Variants in AXIN1 observed in about 807,000 individuals in gnomAD.
AXIN1 encodes axin-1.
A neutral mutation model predicts 76.4 loss-of-function variants in AXIN1; 30 were observed. The observed-to-expected ratio is 0.39, with a 90% CI of 0.29 to 0.53. The LOEUF (loss-of-function observed/expected upper bound fraction) is 0.53. Among genes scored for constraint, AXIN1 ranks in the 20% least tolerant of loss-of-function variants. The pLI is 0.66. For missense variants in AXIN1, 1,140 were observed against 1,198.8 expected (o/e 0.95, Z 0.72); for synonymous variants, 545 against 501.4 (o/e 1.09, Z -1.16).
At chr16:323,121 TGAAA>T (rs970073524) in intron 2 of AXIN1, among the ~76,000 whole-genome samples, 3 of 151,588 alleles carry the variant, frequency 2.0e-5, no homozygotes, top group African/African-American at 7.3e-5. Flanking sequence ...GACCCTGTCT[TGAAA>T]GAAAGAAAGA....
chr16:305,575 G>A (rs1433851192), intron 4 of AXIN1, among the ~76,000 whole-genome samples: 4 of 152,016 alleles, frequency 2.6e-5, no homozygotes, highest in South Asian at 4.1e-4. Flanking sequence ...ACAGGGTCTC[G>A]CTCTGTCACC....
intron 4 of AXIN1, among the ~76,000 whole-genome samples, chr16:304,972 A>G (rs1196925969): frequency 6.6e-6 from 1 of 151,986 alleles, no homozygotes. Flanking sequence ...GCTTCTTTCC[A>G]GCGTCTCCCG....
intron 7 of AXIN1, among the ~76,000 whole-genome samples, chr16:295,941 C>T (rs955076261): frequency 2.0e-5 from 3 of 151,252 alleles, no homozygotes; most frequent in East Asian, 3.9e-4. Flanking sequence ...CACTCCAGCC[C>T]GGGCGACAGA....
At chr16:320,743 A>ATATATTTTTTTT (rs397722732) in intron 2 of AXIN1, among the ~76,000 whole-genome samples, 37 of 107,614 alleles carry the variant, frequency 3.4e-4, no homozygotes, top group African/African-American at 6.4e-4. Flanking sequence ...ATATATATAT[A>ATATATTTTTTTT]TTTTTTTTTT....
chr16:293,151 C>G lies in AXIN1; in HGVS notation c.2186+337G>C, dbSNP rs3830090. 1.7e-4 allele frequency: 70 copies of G among 410,298 alleles called. No individual in the cohort carries two copies. The highest frequency in any genetic ancestry group is 2.8e-4 in the Non-Finnish European group (62 of 222,782). 25.4% of individuals were successfully genotyped at this position (410,298 alleles called of 1,614,324 possible). On this transcript the variant is annotated intron_variant, in intron 8 of 10. Transcript: ENST00000262320. The surrounding 1 kb of genome is among the most constrained non-coding windows in gnomAD (Gnocchi z 4.6). ...CCCTAAAGCCCAGGCTGCCCAGCAG[C>G]GAGCAGCCTCTGGCTGGGGACCGGC...
chr16:309,101 C>G (rs559044543), intron 4 of AXIN1, among the ~76,000 whole-genome samples: 1 of 152,156 alleles, frequency 6.6e-6, no homozygotes, highest in African/African-American at 2.4e-5. Context: ...GAGGCTGAAA[C>G]GGGCGGATCA....
intron 1 of AXIN1, among the ~76,000 whole-genome samples, chr16:351,088 C>A (rs995691898): frequency 6.7e-6 from 1 of 148,290 alleles, no homozygotes; most frequent in East Asian, 2.0e-4. Context: ...GCGGAGATCA[C>A]GCCATTGGAC....
At chr16:345,259 C>A (rs1460706453) in intron 2 of AXIN1, among the ~76,000 whole-genome samples, 1 of 152,174 alleles carries the variant, frequency 6.6e-6, no homozygotes, top group Admixed American at 6.5e-5. Flanking sequence ...GTGGACTACA[C>A]AACAGCACCA....
intron 2 of AXIN1, among the ~76,000 whole-genome samples, chr16:315,781 TCA>T: frequency 7.1e-6 from 1 of 141,226 alleles, no homozygotes; most frequent in Admixed American, 7.5e-5. Flanking sequence ...TAAGCTGAGA[TCA>T]CGCCACTGCA....
Position 297,145 on chromosome 16 carries a change from G to A in AXIN1, c.1866C>T (p.Ala622=). 6.2e-7 allele frequency: 1 copy of A among 1,612,476 alleles called. No homozygotes were observed. Among genetic ancestry groups the A allele is most frequent in the Non-Finnish European group, 8.5e-7 (1 of 1,179,952 alleles). The change falls in exon 7 of 11, where the codon GCC becomes GCT. Residue 622 remains alanine, a synonymous_variant. Transcript: ENST00000262320. Reference sequence around the variant, plus strand: ...TCTGGTTCTTCTCCGCATCCTCCGAGGCACCTGGCACCTCGGTGCTGGCGC... The same window carrying A: ...TCTGGTTCTTCTCCGCATCCTCCGAAGCACCTGGCACCTCGGTGCTGGCGC... ...GKSASTEVPG[A]SEDAEKNQKI...
At chr16:345,306 G>A (rs868495231) in intron 2 of AXIN1, among the ~76,000 whole-genome samples, 87 of 152,264 alleles carry the variant, frequency 5.7e-4, no homozygotes, top group Admixed American at 1.2e-3. Context: ...CCCAATCCTG[G>A]AATGCCCACT....
At chr16:329,719 G>A (rs2053655674) in intron 2 of AXIN1, among the ~76,000 whole-genome samples, 1 of 152,024 alleles carries the variant, frequency 6.6e-6, no homozygotes, top group East Asian at 1.9e-4. Context: ...CGCCTCCCAG[G>A]TTCACGCCAT....
At chr16:305,425 G>A (rs572509116) in intron 4 of AXIN1, among the ~76,000 whole-genome samples, 8 of 152,290 alleles carry the variant, frequency 5.3e-5, no homozygotes, top group African/African-American at 7.2e-5. Flanking sequence ...GCAGTGAGCC[G>A]AGATCATGCC....
At chr16:289,980 G>T (rs186740310) in intron 9 of AXIN1, 8 of 376,110 alleles carry the variant, frequency 2.1e-5, no homozygotes, top group Non-Finnish European at 4.1e-5. Context: ...TGAAGGGCAG[G>T]GATTGGACAA....
At chr16:308,141 C>T (rs1356270914) in intron 4 of AXIN1, among the ~76,000 whole-genome samples, 1 of 152,264 alleles carries the variant, frequency 6.6e-6, no homozygotes, top group Non-Finnish European at 1.5e-5. Flanking sequence ...AGGGCCTGCT[C>T]CTGTCTGTGC....
chr16:344,736 G>A (rs539534459), intron 2 of AXIN1, among the ~76,000 whole-genome samples: 85 of 152,242 alleles, frequency 5.6e-4, no homozygotes, highest in African/African-American at 1.7e-3. Flanking sequence ...TGATTCGCCC[G>A]CCTCGGCCTC....
intron 2 of AXIN1, among the ~76,000 whole-genome samples, chr16:327,448 T>C (rs1447378622): frequency 6.6e-6 from 1 of 152,244 alleles, no homozygotes; most frequent in African/African-American, 2.4e-5. Context: ...GAGGCCTCGC[T>C]GTGGTTCCAC....
intron 2 of AXIN1, among the ~76,000 whole-genome samples, chr16:337,651 G>A (rs534069541): frequency 6.6e-6 from 1 of 152,338 alleles, no homozygotes; most frequent in Non-Finnish European, 1.5e-5. Context: ...CGGCCACCTG[G>A]CCACCTAGCC....
At chr16:303,090 C>G (rs534431147) in intron 5 of AXIN1, among the ~76,000 whole-genome samples, 32 of 152,150 alleles carry the variant, frequency 2.1e-4, no homozygotes, top group African/African-American at 7.5e-4. Flanking sequence ...TCAAACTCCT[C>G]GGCTCAAGTG....
Sources: gnomAD v4.1 joint callset for allele counts (sites outside exome capture counted in the v4.1 genomes callset) on GRCh38, gnomAD v4.1.1 for gene constraint, Gnocchi (gnomAD v3.1) non-coding constraint, MANE v1.5 for transcripts, NCBI Gene and HGNC (gene_info 2026-07-23, HGNC 2026-07-21) for gene names.